The following L3MBTL1 variants were observed in gnomAD, a reference collection of about 807,000 sequenced individuals.
L3MBTL1 encodes L3MBTL histone methyl-lysine binding protein 1, also known as lethal(3)malignant brain tumor-like protein 1.
Under a neutral mutation model 105.3 loss-of-function variants are expected in L3MBTL1, and 75 were observed. That is an observed-to-expected ratio of 0.71 (90% CI 0.59 to 0.86). The LOEUF (loss-of-function observed/expected upper bound fraction) is 0.86, where lower values mean the gene tolerates loss of function less well. Ranked by LOEUF, L3MBTL1 falls within the 40% of genes least tolerant of loss-of-function variation. The pLI is 0.00. For missense variants in L3MBTL1, 1,069 were observed against 1,126.4 expected (o/e 0.95, Z 0.73); for synonymous variants, 452 against 436.2 (o/e 1.04, Z -0.45).
chr20:43,522,981 G>T (rs143599679), intron 7 of L3MBTL1, among the ~76,000 whole-genome samples: 1 of 151,328 alleles, frequency 6.6e-6, no homozygotes, highest in Non-Finnish European at 1.5e-5. Context: ...GGTGGTGCAC[G>T]CCTGTAATCC....
chr20:43,530,761 T>C, intron 10 of L3MBTL1, 37 bp from the exon 11 acceptor site: 1 of 1,593,386 alleles, frequency 6.3e-7, no homozygotes, highest in Non-Finnish European at 8.6e-7. Context: ...GCCCAGCCTC[T>C]GCACGGCGCT....
In L3MBTL1 at chr20:43,523,722, A is replaced by G. The variant is rs1355555101; in HGVS notation, c.863-4935A>G. 4 of 152,148 alleles carry G rather than the reference A, an allele frequency of 2.6e-5. 1 individual carries two copies. The South Asian group carries it at 8.2e-4, about 31-fold the overall frequency. The allele number at this position is 152,148 out of a possible 1,614,324, so 9.4% of individuals were successfully genotyped here. A position where few individuals can be genotyped will look rare whatever the true frequency, so the allele number is the denominator to read the frequency against. On this transcript the variant is annotated intron_variant, in intron 7 of 21. Coordinates refer to ENST00000418998, the MANE Select transcript of L3MBTL1 (RefSeq NM_001377303.1). ...TTTAAATTTCTCTTATTTTCTTTTT[A>G]TTTTTAACTTTTTTTAAAGATAGAA... is the stretch of plus-strand genomic sequence containing the variant.
At chr20:43,522,207 T>C (rs1159715832) in intron 7 of L3MBTL1, among the ~76,000 whole-genome samples, 1 of 151,990 alleles carries the variant, frequency 6.6e-6, no homozygotes, top group Non-Finnish European at 1.5e-5. Context: ...ATACAAAAAT[T>C]AGCCAGGCGT....
At chr20:43,510,357 A>G (rs982096497) in intron 1 of L3MBTL1, among the ~76,000 whole-genome samples, 5 of 151,594 alleles carry the variant, frequency 3.3e-5, no homozygotes, top group African/African-American at 1.2e-4. Flanking sequence ...GCAAATTGGA[A>G]TTGAAATTCA....
intron 7 of L3MBTL1, among the ~76,000 whole-genome samples, chr20:43,527,794 A>G (rs1272978590): frequency 6.0e-5 from 9 of 151,076 alleles, no homozygotes; most frequent in African/African-American, 2.2e-4. Context: ...TTCTCGGCTC[A>G]CTGCAGCCTC....
chr20:43,550,832 T>C (rs762582837), exon 19 of L3MBTL1: 6 of 152,262 alleles, frequency 3.9e-5, no homozygotes, highest in African/African-American at 1.4e-4. Flanking sequence ...GTATGTGTTC[T>C]TTAAGAGAAT....
At chr20:43,518,763 C>T (rs1433082095) in intron 7 of L3MBTL1, among the ~76,000 whole-genome samples, 1 of 145,592 alleles carries the variant, frequency 6.9e-6, no homozygotes, top group African/African-American at 2.5e-5. Context: ...AATCCTAGCA[C>T]TTTGGGAGGC....
chr20:43,514,805 C>T, intron 4 of L3MBTL1, 29 bp downstream of exon 4: 1 of 1,525,772 alleles, frequency 6.6e-7, no homozygotes. Flanking sequence ...AGGCCCTGAG[C>T]TGGGCCCTGT....
chr20:43,514,658 G>A lies in L3MBTL1; in HGVS notation c.384G>A (p.Pro128=), dbSNP rs1386283823. 8 of 1,595,180 alleles carry A rather than the reference G, an allele frequency of 5.0e-6. No homozygotes were observed. Among genetic ancestry groups the A allele is most frequent in the South Asian group, 3.4e-5 (3 of 88,290 alleles). Residue 128 remains proline, a synonymous_variant, in exon 4 of 22, where the codon CCG becomes CCA. Transcript: ENST00000418998. ...GLRFRISEYK[P]LNMAGVEQPP... ...AGTTCCGGATAAGCGAGTATAAGCCGCTGAACATGGCGGGAGTGGAGCAGC... is the reference window on the plus strand; with the variant it reads ...AGTTCCGGATAAGCGAGTATAAGCCACTGAACATGGCGGGAGTGGAGCAGC...
chr20:43,539,698 C>T, intron 19 of L3MBTL1: 1 of 266,562 alleles, frequency 3.8e-6, no homozygotes, highest in Non-Finnish European at 7.4e-6. Flanking sequence ...CAGAATCACC[C>T]TGGCTCTGAG....
intron 7 of L3MBTL1, among the ~76,000 whole-genome samples, chr20:43,516,830 G>A (rs1469403461): frequency 6.6e-6 from 1 of 151,032 alleles, no homozygotes; most frequent in Non-Finnish European, 1.5e-5. Flanking sequence ...GTCTTGCTCT[G>A]TTGCCCAGGC....
At chr20:43,539,761 A>T in intron 19 of L3MBTL1, 1 of 312,450 alleles carries the variant, frequency 3.2e-6, no homozygotes, top group South Asian at 3.0e-5. Flanking sequence ...AACAGAGTGG[A>T]CTTCTGACAT....
At position 43,515,035 on chromosome 20, in the gene L3MBTL1, G is replaced by C. The variant is rs528474572; in HGVS notation, c.529G>C (p.Asp177His). 33 of 1,614,054 alleles carry C rather than the reference G, an allele frequency of 2.0e-5. No individual in the cohort carries two copies. In the African/African-American group the frequency reaches 2.5e-4, roughly 12 times the overall value. The stretch of plus-strand genomic sequence containing the variant: ...GGACCACCCCCAGAATCCTCCAGAA[G>C]ATCCCAATCAGGACCCCCCAGAGGA... ...AEDHPQNPPE[D>H]PNQDPPEDDS... Residue 177 changes from aspartate (D) to histidine (H), a missense_variant, in exon 5 of 22, where the codon GAT (aspartate) becomes CAT (histidine). By Grantham distance (81) the Asp-to-His change is moderately conservative. Transcript: ENST00000418998.
At chr20:43,549,446 C>G (rs1031463230) in exon 19 of L3MBTL1, 1 of 152,338 alleles carries the variant, frequency 6.6e-6, no homozygotes. Context: ...CTGAAGCCCT[C>G]CTTGCCGCTC....
In L3MBTL1 at chr20:43,541,762, T is replaced by TG; in HGVS notation, c.*634_*635insG. On this transcript the variant is annotated 3_prime_UTR_variant, in exon 22 of 22. Coordinates refer to ENST00000418998, the MANE Select transcript of L3MBTL1 (RefSeq NM_001377303.1). ...TGTGGAATCATTGACAGAAATGTCT[T>TG]TATGTAGCATATGGCTGTGTATCAC... 1 of 945,344 alleles carries TG rather than the reference T, an allele frequency of 1.1e-6. No individual in the cohort carries two copies. The highest frequency in any genetic ancestry group is 1.3e-6 in the Non-Finnish European group (1 of 792,432). The allele number at this position is 945,344 out of a possible 1,614,324, so 58.6% of individuals were successfully genotyped here.
intron 7 of L3MBTL1, among the ~76,000 whole-genome samples, chr20:43,527,991 C>G (rs893276328): frequency 6.6e-6 from 1 of 152,196 alleles, no homozygotes; most frequent in African/African-American, 2.4e-5. Flanking sequence ...CTCCCAGGTT[C>G]AAGCAATTCT....
chr20:43,516,028 C>G, intron 6 of L3MBTL1, 65 bp from the exon 7 acceptor site: 1 of 1,272,790 alleles, frequency 7.9e-7, no homozygotes, highest in Non-Finnish European at 1.1e-6. Flanking sequence ...GGGCCAGGAT[C>G]AGACCCTAGG....
At chr20:43,547,109 T>A (rs1978656073) in intron 18 of L3MBTL1, among the ~76,000 whole-genome samples, 1 of 146,408 alleles carries the variant, frequency 6.8e-6, no homozygotes. Context: ...TGACTTTTTT[T>A]TTTTTTTTTT....
chr20:43,548,291 C>T, exon 19 of L3MBTL1: 1 of 1,292,984 alleles, frequency 7.7e-7, no homozygotes, highest in Non-Finnish European at 1.0e-6. Context: ...TGGCCTCCCT[C>T]TCCAGCTGAT....
Sources: allele counts gnomAD v4.1 joint callset (sites outside exome capture counted in the v4.1 genomes callset), GRCh38; gene constraint gnomAD v4.1.1; transcripts MANE v1.5; gene names NCBI Gene and HGNC (gene_info 2026-07-23, HGNC 2026-07-21).